GRIA1: variants seen among roughly 807,000 people sequenced by gnomAD.
The protein encoded by GRIA1 is glutamate receptor 1.
GRIA1 carries 31 observed loss-of-function variants against 99.2 expected under a neutral mutation model. The observed-to-expected ratio is 0.31, with a 90% CI of 0.23 to 0.42. GRIA1 has a LOEUF of 0.42. Among genes scored for constraint, GRIA1 ranks in the 10% least tolerant of loss-of-function variants. GRIA1 has a pLI of 1.00. For synonymous variants in GRIA1, 438 were observed against 432.4 expected, an observed-to-expected ratio of 1.01 and a Z score of -0.16; for missense variants, 782 against 1,157.5, an observed-to-expected ratio of 0.68 and a Z score of 4.71.
chr5:153,687,284 C>T (rs1001617778), intron 8 of GRIA1, among the ~76,000 whole-genome samples: 1 of 152,162 alleles, frequency 6.6e-6, no homozygotes, highest in Non-Finnish European at 1.5e-5. Flanking sequence ...CTCTGGAATC[C>T]TCAACACTGA....
At chr5:153,547,819 G>C (rs6886378) in intron 2 of GRIA1, among the ~76,000 whole-genome samples, 3,137 of 152,226 alleles carry the variant, frequency 0.021, 111 homozygotes, top group African/African-American at 0.07. Context: ...ACCATCCAAA[G>C]AGTGAATCCA....
chr5:153,703,087 A>G (rs72802683), intron 10 of GRIA1, among the ~76,000 whole-genome samples: 17,673 of 152,206 alleles, frequency 0.12, 1,094 homozygotes, highest in African/African-American at 0.14. Context: ...CCTCTCAGTC[A>G]ATATTAACCA....
At chr5:153,738,913 G>T (rs1339426483) in intron 11 of GRIA1, among the ~76,000 whole-genome samples, 1 of 151,410 alleles carries the variant, frequency 6.6e-6, no homozygotes, top group African/African-American at 2.4e-5. Flanking sequence ...GTAGAGACGG[G>T]GTTTTACCGT....
chr5:153,497,753 G>T (rs959189605), intron 2 of GRIA1, among the ~76,000 whole-genome samples: 1 of 152,096 alleles, frequency 6.6e-6, no homozygotes, highest in Admixed American at 6.5e-5. Flanking sequence ...AAGCATTTTT[G>T]AGCCCTCAAC....
chr5:153,507,610 C>G (rs1203812637), intron 2 of GRIA1, among the ~76,000 whole-genome samples: 1 of 152,170 alleles, frequency 6.6e-6, no homozygotes, highest in Non-Finnish European at 1.5e-5. Context: ...CACTATGACT[C>G]GAGTCTATCC....
In GRIA1 at chr5:153,686,276, C is replaced by T; in HGVS notation, c.1081C>T (p.Arg361Trp). Residue 361 changes from arginine (R) to tryptophan (W), a missense_variant, in exon 8 of 16, where the codon CGG becomes TGG. Physicochemically the swap from Arg to Trp is moderately radical, Grantham distance 101. This residue lies in a region of GRIA1 where 461 missense variants were observed against 521.7 expected (regional missense o/e 0.88). Transcript: ENST00000285900. Reference sequence around the variant, plus strand: ...CGTGCAGTTTAATGAGAAAGGACGCCGGACCAACTACACGCTCCACGTGAT... The same window carrying T: ...CGTGCAGTTTAATGAGAAAGGACGCTGGACCAACTACACGCTCCACGTGAT... ...GNVQFNEKGR[R>W]TNYTLHVIEM... 1 of 1,613,950 alleles carries T rather than the reference C, an allele frequency of 6.2e-7. No homozygotes were observed. The highest frequency in any genetic ancestry group is 8.5e-7 in the Non-Finnish European group (1 of 1,179,884).
In GRIA1 at chr5:153,770,437, C is replaced by G. The variant is rs185198937; in HGVS notation, c.2270+22C>G. On this transcript the variant is annotated intron_variant, in intron 13 of 15. Coordinates refer to ENST00000285900, the MANE Select transcript of GRIA1 (RefSeq NM_000827.4). Reference sequence around the variant, plus strand: ...TGAGGTAAGTAGCCAAGATTTGCTTCCTTGGTACTCCCTCTCCCCTCCCTA... The same window carrying G: ...TGAGGTAAGTAGCCAAGATTTGCTTGCTTGGTACTCCCTCTCCCCTCCCTA... 2,433 of 1,602,696 alleles carry G rather than the reference C, an allele frequency of 1.5e-3. 5 individuals are homozygous for G. Among genetic ancestry groups the G allele is most frequent in the East Asian group, 3.7e-3 (165 of 44,682 alleles).
chr5:153,498,202 G>A (rs953351301), intron 2 of GRIA1, among the ~76,000 whole-genome samples: 5 of 152,098 alleles, frequency 3.3e-5, no homozygotes, highest in Non-Finnish European at 5.9e-5. Flanking sequence ...GCTGAGATGG[G>A]ACAGAGTAAA....
intron 11 of GRIA1, among the ~76,000 whole-genome samples, chr5:153,743,489 T>A (rs1761954560): frequency 6.6e-6 from 1 of 152,158 alleles, no homozygotes; most frequent in Non-Finnish European, 1.5e-5. Flanking sequence ...CTTGTAGATA[T>A]AAGACTGAAA....
At chr5:153,585,507 C>T (rs1763404861) in intron 2 of GRIA1, among the ~76,000 whole-genome samples, 1 of 151,876 alleles carries the variant, frequency 6.6e-6, no homozygotes, top group Non-Finnish European at 1.5e-5. Flanking sequence ...CAGGGTTTCA[C>T]CATATTGGTC....
At chr5:153,547,699 G>C (rs777440056) in intron 2 of GRIA1, among the ~76,000 whole-genome samples, 1 of 152,132 alleles carries the variant, frequency 6.6e-6, no homozygotes, top group Non-Finnish European at 1.5e-5. Flanking sequence ...ACACAGTTTA[G>C]AGCCATTAAT....
chr5:153,659,888 T>C (rs1048915762), intron 5 of GRIA1, among the ~76,000 whole-genome samples: 14 of 152,214 alleles, frequency 9.2e-5, no homozygotes, highest in African/African-American at 2.9e-4. Flanking sequence ...GTGAACAATA[T>C]GGTGCCTTCT....
At position 153,769,657 on chromosome 5, in the gene GRIA1, G is replaced by GT. The variant is rs1186690169; in HGVS notation, c.2023-505dup. 1.1e-4 allele frequency among the ~76,000 whole-genome samples: 17 copies of GT among 150,886 alleles called. No individual in the cohort carries two copies. In the East Asian group the frequency reaches 3.1e-3, roughly 28 times the overall value. On this transcript the variant is annotated intron_variant, in intron 12 of 15. Coordinates refer to ENST00000285900, the MANE Select transcript of GRIA1 (RefSeq NM_000827.4). ...TTTGATTGGTGCAAAAGTAATTGAG[G>GT]TTTTTTGCCATCAAAAGTAATGGCA...
intron 2 of GRIA1, among the ~76,000 whole-genome samples, chr5:153,634,726 C>T (rs920852266): frequency 1.3e-5 from 2 of 152,172 alleles, no homozygotes; most frequent in South Asian, 4.1e-4. Context: ...ATGTCGTTTT[C>T]GCAGCATGCT....
chr5:153,518,266 C>G (rs1208380237), intron 2 of GRIA1, among the ~76,000 whole-genome samples: 1 of 149,164 alleles, frequency 6.7e-6, no homozygotes, highest in Non-Finnish European at 1.5e-5. Flanking sequence ...AATTAGTACC[C>G]ATTTTGCCTA....
chr5:153,656,383 TTATATATATATATA>T (rs60245651), intron 5 of GRIA1, among the ~76,000 whole-genome samples: 8 of 92,680 alleles, frequency 8.6e-5, no homozygotes, highest in East Asian at 2.6e-4. Flanking sequence ...ATAAGTTTGT[TTATATATATATATA>T]TATATATATA....
At chr5:153,501,630 A>C (rs1213442020) in intron 2 of GRIA1, among the ~76,000 whole-genome samples, 1 of 152,184 alleles carries the variant, frequency 6.6e-6, no homozygotes, top group Non-Finnish European at 1.5e-5. Flanking sequence ...TACTTTGCCA[A>C]ATTCACATTT....
chr5:153,577,700 G>T (rs1762683691), intron 2 of GRIA1, among the ~76,000 whole-genome samples: 1 of 152,210 alleles, frequency 6.6e-6, no homozygotes, highest in Non-Finnish European at 1.5e-5. Context: ...TTTATTCATT[G>T]ATTATGTATT....
At position 153,705,662 on chromosome 5, in the gene GRIA1, ATTTTTTTTT is replaced by A. The variant is rs70978505; in HGVS notation, c.1453-12_1453-4del. 2.2e-4 allele frequency: 164 copies of A among 752,516 alleles called. No individual in the cohort carries two copies. In the Middle Eastern group the frequency reaches 6.4e-3, roughly 29 times the overall value. The allele number at this position is 752,516 out of a possible 1,614,324, so 46.6% of individuals were successfully genotyped here. Reference sequence around the variant, plus strand: ...GAAAAGGGCTGCTGAGCTCACCTGCATTTTTTTTTTTTTTTTTTTTTTTTTTTTTTTCAG... The same window carrying A: ...GAAAAGGGCTGCTGAGCTCACCTGCATTTTTTTTTTTTTTTTTTTTTTCAG... On this transcript the variant is annotated intron_variant, in intron 10 of 15. Coordinates refer to ENST00000285900, the MANE Select transcript of GRIA1 (RefSeq NM_000827.4).
Sources: allele counts gnomAD v4.1 joint callset (sites outside exome capture counted in the v4.1 genomes callset), GRCh38; gene constraint gnomAD v4.1.1; regional missense constraint gnomAD v4.1.1; transcripts MANE v1.5; gene names NCBI Gene and HGNC (gene_info 2026-07-23, HGNC 2026-07-21).